Variants in KLHL24 observed in about 807,000 individuals in gnomAD.
KLHL24 encodes kelch-like protein 24.
KLHL24 carries 29 observed loss-of-function variants against 53.4 expected under a neutral mutation model. That is an observed-to-expected ratio of 0.54 (90% CI 0.40 to 0.74). KLHL24 has a LOEUF of 0.74. KLHL24 is among the 30% of genes least tolerant of loss of function. The probability of loss-of-function intolerance (pLI) is 0.00; values close to 1 mark genes in which losing one functional copy is unlikely to be tolerated. For missense variants in KLHL24, 504 were observed against 744.0 expected (o/e 0.68, Z 3.75); for synonymous variants, 222 against 253.7 (o/e 0.88, Z 1.19).
intron 7 of KLHL24, among the ~76,000 whole-genome samples, chr3:183,674,731 T>G (rs1056460780): frequency 2.6e-5 from 4 of 152,216 alleles, no homozygotes; most frequent in South Asian, 4.1e-4. Flanking sequence ...TCCAAAACTT[T>G]TACCACTTCA....
In KLHL24 at chr3:183,651,031, A is replaced by G. The variant is rs1475239193; in HGVS notation, c.675A>G (p.Lys225=). The change falls in exon 3 of 8, where the codon AAA becomes AAG. Residue 225 remains lysine (K), a synonymous_variant. Coordinates refer to ENST00000242810, the MANE Select transcript of KLHL24 (RefSeq NM_017644.3). ...GTAGTGATGAACTTGTTATTGGTAA[A>G]GAGGAGATGGTTTTTGAAGCCGTCA... ...YICSDELVIG[K]EEMVFEAVMR... The G allele has an allele frequency of 4.3e-6, 7 of 1,614,092 alleles. No individual in the cohort carries two copies. The African/African-American group carries it at 6.7e-5, about 15-fold the overall frequency.
At chr3:183,668,107 C>A (rs1450905273) in intron 5 of KLHL24, among the ~76,000 whole-genome samples, 1 of 150,038 alleles carries the variant, frequency 6.7e-6, no homozygotes, top group Non-Finnish European at 1.5e-5. Flanking sequence ...GACCTTGAGA[C>A]AGATTTACTG....
intron 1 of KLHL24, among the ~76,000 whole-genome samples, chr3:183,642,567 A>T (rs1311384396): frequency 7.8e-6 from 1 of 128,570 alleles, no homozygotes. Context: ...AGGTTCTGGT[A>T]TTTTCTCTTA....
At chr3:183,646,498 T>C (rs574032957) in intron 2 of KLHL24, among the ~76,000 whole-genome samples, 1 of 152,344 alleles carries the variant, frequency 6.6e-6, no homozygotes, top group South Asian at 2.1e-4. Flanking sequence ...TTTTTCTGAC[T>C]TTACCTGCAC....
chr3:183,682,260 T>C lies in KLHL24; in HGVS notation c.*2974T>C, dbSNP rs946768809. On this transcript the variant is annotated 3_prime_UTR_variant, in exon 8 of 8. Coordinates refer to ENST00000242810, the MANE Select transcript of KLHL24 (RefSeq NM_017644.3). ...AAAGTATAGTTTTTTTTTCATGAAC[T>C]TTAATCATTTTCTGTTTTTCCTCTA... The C allele has an allele frequency of 1.3e-5, 2 of 152,088 alleles. No homozygotes were observed. The highest frequency in any genetic ancestry group is 4.8e-5 in the African/African-American group (2 of 41,430). The allele number at this position is 152,088 out of a possible 1,614,324, so 9.4% of individuals were successfully genotyped here.
At position 183,655,787 on chromosome 3, in the gene KLHL24, T is replaced by C. The variant is rs376653939; in HGVS notation, c.920+4511T>C. On this transcript the variant is annotated intron_variant, in intron 3 of 7. Transcript: ENST00000242810. Reference sequence around the variant, plus strand: ...AAATGCAAAAAATTAGCAGACATGGTGGAGCGTGCCTGTAGTCCCATCTAC... The same window carrying C: ...AAATGCAAAAAATTAGCAGACATGGCGGAGCGTGCCTGTAGTCCCATCTAC... 6.6e-5 allele frequency among the ~76,000 whole-genome samples: 10 copies of C among 152,034 alleles called. No homozygotes were observed. In the South Asian group the frequency reaches 1.9e-3, roughly 28 times the overall value.
chr3:183,639,950 G>A lies in KLHL24; in HGVS notation c.-124-3530G>A, dbSNP rs537437716. On this transcript the variant is annotated intron_variant, in intron 1 of 7. Transcript: ENST00000242810. ...TGAGGCAGGAGAATCACTTGAACCC[G>A]GGAGGTGGGGGTTGCAGTGAGCCAA... 4.6e-5 allele frequency among the ~76,000 whole-genome samples: 7 copies of A among 151,830 alleles called. No individual in the cohort carries two copies. The East Asian group carries it at 7.8e-4, about 17-fold the overall frequency.
intron 5 of KLHL24, among the ~76,000 whole-genome samples, chr3:183,666,267 T>C (rs1197364167): frequency 1.3e-5 from 2 of 151,578 alleles, no homozygotes; most frequent in Non-Finnish European, 2.9e-5. Context: ...ATATTTTTTT[T>C]TTCTTTTGTT....
Position 183,665,021 on chromosome 3 carries a change from G to C in KLHL24, c.1206G>C (p.Met402Ile). 6.2e-7 allele frequency: 1 copy of C among 1,601,064 alleles called. No individual in the cohort carries two copies. The highest frequency in any genetic ancestry group is 8.6e-7 in the Non-Finnish European group (1 of 1,169,454). Residue 402 changes from methionine (M) to isoleucine (I), a missense_variant, in exon 5 of 8, where the codon ATG (methionine) becomes ATC (isoleucine). Coordinates refer to ENST00000242810, the MANE Select transcript of KLHL24 (RefSeq NM_017644.3). ...ATAAAGGCAGATGGCGTCACAAAAT[G>C]GCTGTCCTCCTTGGTAAAGTAAGAG... ...SLNKGRWRHKMAVLLGKVYVV... is the reference protein window; with the variant it reads ...SLNKGRWRHKIAVLLGKVYVV...
At chr3:183,644,329 C>G (rs1716925791) in intron 2 of KLHL24, among the ~76,000 whole-genome samples, 1 of 152,088 alleles carries the variant, frequency 6.6e-6, no homozygotes, top group Non-Finnish European at 1.5e-5. Flanking sequence ...TCTCACACTC[C>G]TAAGATGCCC....
chr3:183,647,149 A>G (rs1717393886), intron 2 of KLHL24, among the ~76,000 whole-genome samples: 1 of 150,126 alleles, frequency 6.7e-6, no homozygotes, highest in Admixed American at 6.6e-5. Context: ...AGCTGGGCGC[A>G]GTGGCTTATG....
intron 2 of KLHL24, among the ~76,000 whole-genome samples, chr3:183,648,705 C>A (rs1267733352): frequency 6.6e-6 from 1 of 152,038 alleles, no homozygotes; most frequent in East Asian, 1.9e-4. Context: ...TTAAAATTAA[C>A]CTTAAAGAGA....
chr3:183,667,911 T>G (rs1720803184), intron 5 of KLHL24, among the ~76,000 whole-genome samples: 1 of 151,540 alleles, frequency 6.6e-6, no homozygotes, highest in Non-Finnish European at 1.5e-5. Context: ...TAATGTTTTA[T>G]CCTGTTGCCT....
rs764799374 is a variant in KLHL24, at chr3:183,683,987, TA to T, written c.*4702del. 1 of 152,660 alleles carries T rather than the reference TA, an allele frequency of 6.6e-6. No homozygotes were observed. The highest frequency in any genetic ancestry group is 1.5e-5 in the Non-Finnish European group (1 of 68,032). 9.5% of individuals were successfully genotyped at this position (152,660 alleles called of 1,614,324 possible). On this transcript the variant is annotated 3_prime_UTR_variant, in exon 8 of 8. Coordinates refer to ENST00000242810, the MANE Select transcript of KLHL24 (RefSeq NM_017644.3). ...TTTTTTGTTTTTATTTTTTGATACCTAGGTGCTTTTTAAAATATTCAGACAA... is the reference window on the plus strand; with the variant it reads ...TTTTTTGTTTTTATTTTTTGATACCTGGTGCTTTTTAAAATATTCAGACAA...
chr3:183,642,586 T>C, intron 1 of KLHL24, among the ~76,000 whole-genome samples: 2 of 130,002 alleles, frequency 1.5e-5, no homozygotes, highest in South Asian at 2.7e-4. Context: ...TAAGCATTCC[T>C]CTTCTCCCCT....
intron 3 of KLHL24, among the ~76,000 whole-genome samples, chr3:183,659,795 C>T (rs1719449015): frequency 6.6e-6 from 1 of 152,228 alleles, no homozygotes; most frequent in African/African-American, 2.4e-5. Context: ...TGAATCTCTC[C>T]TTCTCTTGGG....
At chr3:183,664,887 A>G (rs779997897) in intron 4 of KLHL24, 34 bp from the exon 5 acceptor site, 34 of 1,271,384 alleles carry the variant, frequency 2.7e-5, no homozygotes, top group Non-Finnish European at 3.8e-5. Context: ...ATATCATGAT[A>G]AATTATCGTG....
intron 3 of KLHL24, among the ~76,000 whole-genome samples, chr3:183,654,268 A>G (rs1012705848): frequency 1.3e-5 from 2 of 152,036 alleles, no homozygotes; most frequent in Non-Finnish European, 2.9e-5. Flanking sequence ...TTTCAATTTA[A>G]TGGTTCTTAC....
chr3:183,672,336 G>C lies in KLHL24; in HGVS notation c.1454G>C (p.Arg485Pro). ...CCAGAAACCAATTCTTGGCTACTTC[G>C]TGCAGCTATCCCAATTGCCAAAAGG... The part of the protein sequence containing the change: ...YDPETNSWLL[R>P]AAIPIAKRCI... The change falls in exon 7 of 8, where the codon CGT becomes CCT. Residue 485 changes from arginine (R) to proline (P), a missense_variant. Arg to Pro is a moderately radical substitution (Grantham distance 103, BLOSUM62 -2). Transcript: ENST00000242810. 1.2e-6 allele frequency: 2 copies of C among 1,606,816 alleles called. No individual in the cohort carries two copies. The highest frequency in any genetic ancestry group is 1.7e-6 in the Non-Finnish European group (2 of 1,176,100).
Sources: allele counts gnomAD v4.1 joint callset (sites outside exome capture counted in the v4.1 genomes callset), GRCh38; gene constraint gnomAD v4.1.1; transcripts MANE v1.5; gene names NCBI Gene and HGNC (gene_info 2026-07-23, HGNC 2026-07-21).